The following CTNND1 variants were observed in gnomAD, a reference collection of about 807,000 sequenced individuals.
CTNND1 encodes the protein catenin delta 1.
CTNND1 carries 16 observed loss-of-function variants against 112.1 expected under a neutral mutation model. That is an observed-to-expected ratio of 0.14 (90% confidence interval 0.10 to 0.22). CTNND1 has a LOEUF of 0.22. Among genes scored for constraint, CTNND1 ranks in the 10% least tolerant of loss-of-function variants. The pLI, the probability that CTNND1 is intolerant of heterozygous loss-of-function variation, is 1.00. For missense variants in CTNND1, 1,008 were observed against 1,257.0 expected (o/e 0.80, Z 3.00); for synonymous variants, 420 against 446.5 (o/e 0.94, Z 0.75).
rs143320254 is a variant in CTNND1, at chr11:57,779,399, G to A, written c.-213-9638G>A. Among the ~76,000 whole-genome samples the A allele has an allele frequency of 7.3e-4, 111 of 152,106 alleles. No homozygotes were observed. The South Asian group carries it at 0.016, about 22-fold the overall frequency. ...TCTGCCCTCTTTTCTCTCTTGTTTT[G>A]TGTTTTCCCTGCCTTCCATTCCAGC... On this transcript the variant is annotated intron_variant, in intron 1 of 20. Coordinates refer to ENST00000399050, the MANE Select transcript of CTNND1 (RefSeq NM_001085458.2).
intron 8 of CTNND1, 116 bp downstream of exon 8, chr11:57,803,920 T>C (rs2062327474): frequency 1.4e-6 from 1 of 734,788 alleles, no homozygotes; most frequent in Non-Finnish European, 2.1e-6. Context: ...CATTCCTATC[T>C]GTATTGCATA....
chr11:57,803,109 TTTTG>T (rs1324982256), intron 7 of CTNND1, among the ~76,000 whole-genome samples: 1 of 152,022 alleles, frequency 6.6e-6, no homozygotes, highest in African/African-American at 2.4e-5. Context: ...TTGCTTATAG[TTTTG>T]TTTGTTTTTT....
chr11:57,786,870 G>T (rs536854749), intron 1 of CTNND1, among the ~76,000 whole-genome samples: 8 of 152,248 alleles, frequency 5.3e-5, no homozygotes, highest in African/African-American at 1.9e-4. Flanking sequence ...TCCTGTGATA[G>T]TTGAGAAGAA....
At chr11:57,781,926 A>G (rs530513137) in intron 1 of CTNND1, among the ~76,000 whole-genome samples, 43 of 152,230 alleles carry the variant, frequency 2.8e-4, no homozygotes, top group Non-Finnish European at 5.6e-4. Context: ...CCATTTTAGT[A>G]TGTTATGGTT....
intron 1 of CTNND1, among the ~76,000 whole-genome samples, chr11:57,784,438 C>T (rs1169025297): frequency 2.0e-5 from 3 of 149,528 alleles, no homozygotes; most frequent in African/African-American, 7.4e-5. Context: ...TTCCCTAGAA[C>T]GACATGGAAA....
Position 57,806,946 on chromosome 11 carries a change from T to G in CTNND1, c.1926T>G (p.Asp642Glu). 1 of 1,601,692 alleles carries G rather than the reference T, an allele frequency of 6.2e-7. No individual in the cohort carries two copies. The highest frequency in any genetic ancestry group is 8.5e-7 in the Non-Finnish European group (1 of 1,173,874). ...GKKPIEDPANDTVDFPKRTSP... is the reference protein window; with the variant it reads ...GKKPIEDPANETVDFPKRTSP... Reference sequence around the variant, plus strand: ...AACCTATAGAGGATCCAGCAAACGATACAGTGGATTTCCCTAAAAGAACGA... The same window carrying G: ...AACCTATAGAGGATCCAGCAAACGAGACAGTGGATTTCCCTAAAAGAACGA... The change falls in exon 12 of 21, where the codon GAT becomes GAG. Residue 642 changes from aspartate (D) to glutamate (E), a missense_variant. Coordinates refer to ENST00000399050, the MANE Select transcript of CTNND1 (RefSeq NM_001085458.2).
intron 1 of CTNND1, among the ~76,000 whole-genome samples, chr11:57,774,691 GTTTATTTATTTA>G (rs111874552): frequency 5.7e-4 from 84 of 148,174 alleles, no homozygotes; most frequent in Middle Eastern, 6.9e-3. Flanking sequence ...GTCTATGAGG[GTTTATTTATTTA>G]TTTATTTATT....
intron 12 of CTNND1, among the ~76,000 whole-genome samples, chr11:57,807,605 CAAAAAAAAAAAAAA>C (rs71470294): frequency 2.7e-4 from 8 of 29,216 alleles, no homozygotes; most frequent in Admixed American, 5.5e-4. Context: ...AACTCCGTCT[CAAAAAAAAAAAAAA>C]AAAAAAAAAA....
At chr11:57,806,247 G>C (rs2062646856) in intron 10 of CTNND1, among the ~76,000 whole-genome samples, 1 of 151,938 alleles carries the variant, frequency 6.6e-6, no homozygotes, top group South Asian at 2.1e-4. Flanking sequence ...TGGTGGTGGT[G>C]GTGGTGGTGG....
chr11:57,806,030 G>T lies in CTNND1; in HGVS notation c.1871G>T (p.Gly624Val), dbSNP rs1332896698. Residue 624 changes from glycine (G) to valine (V), a missense_variant, in exon 10 of 21, where the codon GGC becomes GTC. Transcript: ENST00000399050. The part of the protein sequence containing the change: ...HAASCFGAKK[G>V]KDEWFSRGKK... ...GCCAGTTGCTTTGGGGCCAAGAAGG[G>T]CAAAGGTGAGTCTTGGTTCCTGTTT... 1 of 1,609,908 alleles carries T rather than the reference G, an allele frequency of 6.2e-7. No homozygotes were observed. Among genetic ancestry groups the T allele is most frequent in the Non-Finnish European group, 8.5e-7 (1 of 1,177,810 alleles).
intron 1 of CTNND1, among the ~76,000 whole-genome samples, chr11:57,768,717 C>T (rs916714158): frequency 4.6e-5 from 7 of 151,826 alleles, no homozygotes; most frequent in Non-Finnish European, 7.4e-5. Context: ...ATTTGCAACC[C>T]TTATTTGTGG....
intron 1 of CTNND1, among the ~76,000 whole-genome samples, chr11:57,768,594 T>C (rs1371421910): frequency 1.3e-5 from 2 of 151,564 alleles, no homozygotes; most frequent in African/African-American, 2.4e-5. Flanking sequence ...GGGGTTTCAC[T>C]GTGTTAGCCA....
At chr11:57,781,994 A>C (rs895030254) in intron 1 of CTNND1, among the ~76,000 whole-genome samples, 3 of 151,408 alleles carry the variant, frequency 2.0e-5, no homozygotes, top group Admixed American at 1.3e-4. Flanking sequence ...AGAATGTTTT[A>C]TTTGGTCTCA....
At chr11:57,811,979 A>G (rs988679475) in intron 17 of CTNND1, among the ~76,000 whole-genome samples, 4 of 152,146 alleles carry the variant, frequency 2.6e-5, no homozygotes, top group African/African-American at 9.7e-5. Context: ...TTTTCACATA[A>G]AGTGTATATT....
At chr11:57,762,704 T>TA (rs1263112869) in intron 1 of CTNND1, among the ~76,000 whole-genome samples, 1 of 152,158 alleles carries the variant, frequency 6.6e-6, no homozygotes, top group Non-Finnish European at 1.5e-5. Flanking sequence ...CTGCTAGATG[T>TA]AGTCTCCCTT....
chr11:57,806,630 C>A, intron 11 of CTNND1, 152 bp downstream of exon 11: 1 of 716,902 alleles, frequency 1.4e-6, no homozygotes, highest in Non-Finnish European at 2.4e-6. Context: ...CTCTTTGGAG[C>A]TAATAGCTCA....
intron 1 of CTNND1, chr11:57,764,056 C>A (rs931631533): frequency 1.3e-5 from 2 of 152,222 alleles, no homozygotes; most frequent in Non-Finnish European, 2.9e-5. Flanking sequence ...ATAAGGGATG[C>A]AGATAAGTAA....
intron 2 of CTNND1, among the ~76,000 whole-genome samples, chr11:57,790,385 CTTTTT>C (rs1274143869): frequency 7.2e-6 from 1 of 139,638 alleles, no homozygotes; most frequent in Admixed American, 7.2e-5. Flanking sequence ...TTCTTTCTTT[CTTTTT>C]TTTTTTTTTT....
chr11:57,787,723 T>C (rs915362104), intron 1 of CTNND1, among the ~76,000 whole-genome samples: 3 of 152,258 alleles, frequency 2.0e-5, no homozygotes, highest in Non-Finnish European at 4.4e-5. Flanking sequence ...CCTCTGCTTC[T>C]GTCCTTTTTC....
Sources: gnomAD v4.1 joint callset for allele counts (sites outside exome capture counted in the v4.1 genomes callset) on GRCh38, gnomAD v4.1.1 for gene constraint, MANE v1.5 for transcripts, NCBI Gene and HGNC (gene_info 2026-07-23, HGNC 2026-07-21) for gene names.